Variants in INPP5A observed in about 807,000 individuals in gnomAD.
The protein encoded by INPP5A is 43 kDa inositol polyphosphate 5-phophatase.
INPP5A carries 14 observed loss-of-function variants against 65.2 expected under a neutral mutation model. That is an observed-to-expected ratio of 0.21 (90% CI 0.14 to 0.34). The LOEUF (loss-of-function observed/expected upper bound fraction) is 0.34, where lower values mean the gene tolerates loss of function less well. INPP5A is among the 10% of genes least tolerant of loss of function. The pLI is 1.00. For missense variants in INPP5A, 431 were observed against 545.6 expected (o/e 0.79, Z 2.09); for synonymous variants, 207 against 208.3 (o/e 0.99, Z 0.05).
chr10:132,780,631 C>G (rs1458022427), intron 13 of INPP5A, among the ~76,000 whole-genome samples: 1 of 152,254 alleles, frequency 6.6e-6, no homozygotes, highest in Non-Finnish European at 1.5e-5. Flanking sequence ...GGTCAAGGTG[C>G]TGAGGCGCTG....
At chr10:132,619,013 C>T (rs1327940337) in intron 2 of INPP5A, among the ~76,000 whole-genome samples, 1 of 152,104 alleles carries the variant, frequency 6.6e-6, no homozygotes, top group African/African-American at 2.4e-5. Context: ...TCATTCTGCC[C>T]CAGCCCCTCC....
At chr10:132,724,786 C>G in intron 8 of INPP5A, among the ~76,000 whole-genome samples, 1 of 147,662 alleles carries the variant, frequency 6.8e-6, no homozygotes, top group African/African-American at 2.5e-5. Context: ...AGACGGGGGT[C>G]ACTCTCCAGA....
Position 132,721,182 on chromosome 10 carries a change from G to A in INPP5A, c.648-5639G>A, listed in dbSNP as rs569440305. 3.2e-3 allele frequency among the ~76,000 whole-genome samples: 482 copies of A among 150,180 alleles called. 2 individuals carry two copies. The highest frequency in any genetic ancestry group is 5.9e-3 in the Non-Finnish European group (397 of 67,684). ...CATAGACGGCTGTCTTCAGGGTTCT[G>A]TGATACCTGGGTTCTTTCTGGGGGC... On this transcript the variant is annotated intron_variant, in intron 8 of 15. Transcript: ENST00000368594.
intron 4 of INPP5A, among the ~76,000 whole-genome samples, chr10:132,669,697 G>A (rs2072857769): frequency 6.6e-6 from 1 of 152,206 alleles, no homozygotes; most frequent in South Asian, 2.1e-4. Flanking sequence ...CGTGCCCCAT[G>A]GGCAGAGAGG....
At chr10:132,605,922 C>T (rs888753946) in intron 1 of INPP5A, among the ~76,000 whole-genome samples, 4 of 152,186 alleles carry the variant, frequency 2.6e-5, no homozygotes, top group Admixed American at 1.3e-4. Context: ...TTTAGAGCAC[C>T]GTGTTAGGAC....
At chr10:132,661,177 C>T (rs1379535844) in intron 4 of INPP5A, among the ~76,000 whole-genome samples, 2 of 152,208 alleles carry the variant, frequency 1.3e-5, no homozygotes, top group African/African-American at 4.8e-5. Context: ...AAACACAATC[C>T]AGCACCATGT....
Position 132,710,877 on chromosome 10 carries a change from G to A in INPP5A, c.647+421G>A, listed in dbSNP as rs189104380. 4.4e-4 allele frequency among the ~76,000 whole-genome samples: 67 copies of A among 152,134 alleles called. 1 individual carries two copies. The East Asian group carries it at 9.5e-3, about 22-fold the overall frequency. On this transcript the variant is annotated intron_variant, in intron 8 of 15. Transcript: ENST00000368594. Reference sequence around the variant, plus strand: ...GTGTGGGCGGGCGGGTAGGTGGGTGGGCAGGTCGGTGTGTCCACTCACCCT... The same window carrying A: ...GTGTGGGCGGGCGGGTAGGTGGGTGAGCAGGTCGGTGTGTCCACTCACCCT...
intron 9 of INPP5A, among the ~76,000 whole-genome samples, chr10:132,743,500 G>A (rs1200039608): frequency 7.9e-5 from 12 of 152,254 alleles, no homozygotes; most frequent in Admixed American, 4.6e-4. Context: ...AACCCTGGAG[G>A]GCCGGACCCT....
chr10:132,682,600 C>G (rs1461066649), intron 4 of INPP5A, among the ~76,000 whole-genome samples: 1 of 152,246 alleles, frequency 6.6e-6, no homozygotes, highest in African/African-American at 2.4e-5. Flanking sequence ...GTCATGGCAA[C>G]AGGAGGGGCA....
chr10:132,654,513 G>A (rs2072625580), intron 4 of INPP5A, among the ~76,000 whole-genome samples: 1 of 152,208 alleles, frequency 6.6e-6, no homozygotes, highest in East Asian at 1.9e-4. Flanking sequence ...GGGGGCCCTC[G>A]GGGTGTCTGT....
intron 9 of INPP5A, among the ~76,000 whole-genome samples, chr10:132,731,014 C>G (rs1177069196): frequency 6.6e-6 from 1 of 152,228 alleles, no homozygotes; most frequent in Non-Finnish European, 1.5e-5. Context: ...GACTTGCTGT[C>G]CAGCCAGCTT....
intron 11 of INPP5A, among the ~76,000 whole-genome samples, chr10:132,751,920 T>C (rs76868141): frequency 1.4e-3 from 117 of 85,024 alleles, no homozygotes; most frequent in African/African-American, 1.5e-3. Context: ...GCCCAGGAGG[T>C]GTCTGGGTAG....
At chr10:132,763,212 C>A (rs1050712227) in intron 11 of INPP5A, among the ~76,000 whole-genome samples, 12 of 152,316 alleles carry the variant, frequency 7.9e-5, no homozygotes, top group Admixed American at 3.9e-4. Context: ...TGACTCTCAG[C>A]AGATCTCATA....
chr10:132,702,236 G>A (rs1007376584), intron 6 of INPP5A, among the ~76,000 whole-genome samples: 4 of 152,116 alleles, frequency 2.6e-5, no homozygotes, highest in Admixed American at 2.0e-4. Flanking sequence ...AGATTCATTT[G>A]CAATTTATTT....
intron 9 of INPP5A, among the ~76,000 whole-genome samples, chr10:132,740,409 C>T (rs986979098): frequency 6.6e-5 from 10 of 152,154 alleles, no homozygotes; most frequent in Admixed American, 1.3e-4. Context: ...GAAAGCATTA[C>T]GTTGGTGTAG....
chr10:132,712,938 G>GT (rs1410773217), intron 8 of INPP5A, among the ~76,000 whole-genome samples: 1 of 150,520 alleles, frequency 6.6e-6, no homozygotes. Flanking sequence ...GCATGCATGG[G>GT]TGTGGGCGTG....
At chr10:132,719,589 C>T (rs1478224890) in intron 8 of INPP5A, among the ~76,000 whole-genome samples, 2 of 139,458 alleles carry the variant, frequency 1.4e-5, no homozygotes, top group East Asian at 2.1e-4. Flanking sequence ...CTTGCGGGTT[C>T]TGTGGTGCCT....
chr10:132,750,598 T>C (rs965980035), intron 11 of INPP5A, among the ~76,000 whole-genome samples: 1 of 152,250 alleles, frequency 6.6e-6, no homozygotes, highest in Admixed American at 6.5e-5. Context: ...TTAATGTATT[T>C]ACAAATGTTT....
intron 4 of INPP5A, among the ~76,000 whole-genome samples, chr10:132,668,657 A>C (rs1278872137): frequency 6.6e-6 from 1 of 152,198 alleles, no homozygotes; most frequent in Admixed American, 6.5e-5. Context: ...CAAATTAAAC[A>C]TGAATTTGCA....
Sources: gnomAD v4.1 joint callset for allele counts (sites outside exome capture counted in the v4.1 genomes callset) on GRCh38, gnomAD v4.1.1 for gene constraint, MANE v1.5 for transcripts, NCBI Gene and HGNC (gene_info 2026-07-23, HGNC 2026-07-21) for gene names.